B3GALNT2: variants seen among roughly 807,000 people sequenced by gnomAD.
B3GALNT2 encodes UDP-GalNAc:beta-1,3-N-acetylgalactosaminyltransferase 2.
A neutral mutation model predicts 61.1 loss-of-function variants in B3GALNT2; 53 were observed. The ratio of observed to expected loss-of-function variants is 0.87; its 90% CI spans 0.70 to 1.09. The LOEUF (loss-of-function observed/expected upper bound fraction) is 1.09, where lower values mean the gene tolerates loss of function less well. Ranked by LOEUF, B3GALNT2 falls within the 50% of genes least tolerant of loss-of-function variation. B3GALNT2 has a pLI of 0.00. For synonymous variants in B3GALNT2, 223 were observed against 237.4 expected (o/e 0.94, Z 0.56); for missense variants, 544 against 623.0 (o/e 0.87, Z 1.35).
intron 7 of B3GALNT2, chr1:235,465,357 AT>A (rs552700398): frequency 4.1e-4 from 138 of 337,440 alleles, no homozygotes; most frequent in African/African-American, 2.8e-3. Flanking sequence ...AGGCAAATCC[AT>A]AGAGAAAGAA....
chr1:235,443,527 A>C (rs1473270799), downstream of B3GALNT2, among the ~76,000 whole-genome samples: 1 of 152,160 alleles, frequency 6.6e-6, no homozygotes, highest in Non-Finnish European at 1.5e-5. Context: ...TTAACCAAAA[A>C]ACCTGAGACC....
Position 235,484,379 on chromosome 1 carries a change from G to T in B3GALNT2, c.498C>A (p.Ala166=). Residue 166 remains alanine, a synonymous_variant, in exon 4 of 12, where the codon GCC becomes GCA. Transcript: ENST00000366600. ...VITSLGVFYD[A]NDVGFQRNIT... The stretch of plus-strand genomic sequence containing the variant: ...TGTTCCTCTGGAAACCCACATCATT[G>T]GCATCGTAGAACACTCCAAGACTGG... The T allele has an allele frequency of 1.2e-6, 2 of 1,614,152 alleles. No homozygotes were observed. Among genetic ancestry groups the T allele is most frequent in the Non-Finnish European group, 1.7e-6 (2 of 1,180,006 alleles).
chr1:235,446,787 T>A (rs1404584008), downstream of B3GALNT2, among the ~76,000 whole-genome samples: 1 of 150,836 alleles, frequency 6.6e-6, no homozygotes, highest in Non-Finnish European at 1.5e-5. Flanking sequence ...AGCCTTGACC[T>A]CCTGGGCTCA....
chr1:235,464,939 G>A (rs1683614773), intron 7 of B3GALNT2: 1 of 152,168 alleles, frequency 6.6e-6, no homozygotes, highest in Non-Finnish European at 1.5e-5. Context: ...GTGTTGACAA[G>A]AATATGGAGA....
rs151100974 is a variant in B3GALNT2 at position 235,497,181 on chromosome 1, C to T, written c.113-2353G>A. On this transcript the variant is annotated intron_variant, in intron 1 of 11. Coordinates refer to ENST00000366600, the MANE Select transcript of B3GALNT2 (RefSeq NM_152490.5). Reference sequence around the variant, plus strand: ...GCTGGAACTCACTCTAAATGAGTGTCTGAATTCAGAGACTAATTTAAATGA... The same window carrying T: ...GCTGGAACTCACTCTAAATGAGTGTTTGAATTCAGAGACTAATTTAAATGA... Among the ~76,000 whole-genome samples, 14 of 152,196 alleles carry T rather than the reference C, an allele frequency of 9.2e-5. No individual in the cohort carries two copies. The East Asian group carries it at 2.7e-3, about 29-fold the overall frequency.
In B3GALNT2 at chr1:235,456,686, G is replaced by A. The variant is rs968929291; in HGVS notation, c.1026-1002C>T. ...GAGTCCTGTTGAAGGTTACTGCAGCGATCCAGGGAGAGAAGGTGGCAGCCA... is the reference window on the plus strand; with the variant it reads ...GAGTCCTGTTGAAGGTTACTGCAGCAATCCAGGGAGAGAAGGTGGCAGCCA... On this transcript the variant is annotated intron_variant, in intron 8 of 11. Coordinates refer to ENST00000366600, the MANE Select transcript of B3GALNT2 (RefSeq NM_152490.5). 2.6e-5 allele frequency among the ~76,000 whole-genome samples: 4 copies of A among 152,156 alleles called. No homozygotes were observed. The East Asian group carries it at 7.7e-4, about 29-fold the overall frequency.
chr1:235,453,134 T>A lies in B3GALNT2; in HGVS notation c.1324A>T (p.Ser442Cys), dbSNP rs1041647688. Residue 442 changes from serine to cysteine, a missense_variant, in exon 11 of 12, where the codon AGC becomes TGC. Transcript: ENST00000366600. ...ATGGCAGCCATCCAGATGCCCATGCTTACATCTTCACCCTATACATGGCCC... is the reference window on the plus strand; with the variant it reads ...ATGGCAGCCATCCAGATGCCCATGCATACATCTTCACCCTATACATGGCCC... ...RLKTYQGEDV[S>C]MGIWMAAIGP... The A allele has an allele frequency of 1.8e-5, 29 of 1,612,524 alleles. No homozygotes were observed. The highest frequency in any genetic ancestry group is 1.6e-4 in the Middle Eastern group (1 of 6,084).
At chr1:235,479,960 T>C in intron 5 of B3GALNT2, 94 bp downstream of exon 5, 1 of 1,533,916 alleles carries the variant, frequency 6.5e-7, no homozygotes, top group Non-Finnish European at 8.8e-7. Flanking sequence ...GCTGCCCTGG[T>C]ACAAGAAAAT....
At chr1:235,475,805 C>T (rs1684250869) in intron 5 of B3GALNT2, among the ~76,000 whole-genome samples, 1 of 152,016 alleles carries the variant, frequency 6.6e-6, no homozygotes, top group Non-Finnish European at 1.5e-5. Flanking sequence ...TAGCTCCCCA[C>T]CAGGTATAGC....
chr1:235,464,833 C>T (rs1683610808), intron 7 of B3GALNT2: 2 of 152,086 alleles, frequency 1.3e-5, no homozygotes, highest in Non-Finnish European at 2.9e-5. Flanking sequence ...TGCTCAACAT[C>T]ATTAGTTATT....
At chr1:235,491,188 A>T (rs1265787372) in intron 2 of B3GALNT2, among the ~76,000 whole-genome samples, 1 of 152,140 alleles carries the variant, frequency 6.6e-6, no homozygotes, top group African/African-American at 2.4e-5. Context: ...AAGCTGACAT[A>T]TCTTAGTTGT....
At chr1:235,502,148 G>T (rs895723168) in intron 1 of B3GALNT2, among the ~76,000 whole-genome samples, 1 of 152,146 alleles carries the variant, frequency 6.6e-6, no homozygotes, top group African/African-American at 2.4e-5. Context: ...TAGTAGCTGG[G>T]ATTACAGGCA....
intron 9 of B3GALNT2, among the ~76,000 whole-genome samples, chr1:235,455,162 C>T (rs573204818): frequency 6.6e-6 from 1 of 152,216 alleles, no homozygotes; most frequent in East Asian, 1.9e-4. Flanking sequence ...CCCTCTGTTG[C>T]CCAGGCTGGA....
chr1:235,460,487 G>GA (rs1469268582), intron 7 of B3GALNT2, among the ~76,000 whole-genome samples: 1 of 148,532 alleles, frequency 6.7e-6, no homozygotes, highest in Admixed American at 6.7e-5. Flanking sequence ...AAATGAATAA[G>GA]AAAAAATGTA....
intron 7 of B3GALNT2, chr1:235,465,132 G>A (rs960526004): frequency 6.6e-6 from 1 of 152,306 alleles, no homozygotes; most frequent in Non-Finnish European, 1.5e-5. Flanking sequence ...GTTTACTACA[G>A]AATTATTCAT....
At chr1:235,500,901 G>A (rs1337218844) in intron 1 of B3GALNT2, among the ~76,000 whole-genome samples, 1 of 152,148 alleles carries the variant, frequency 6.6e-6, no homozygotes, top group African/African-American at 2.4e-5. Context: ...AATTTTGGAA[G>A]AACTCACCCC....
chr1:235,466,077 A>C (rs1683680488), intron 6 of B3GALNT2, among the ~76,000 whole-genome samples: 1 of 152,266 alleles, frequency 6.6e-6, no homozygotes, highest in Non-Finnish European at 1.5e-5. Flanking sequence ...TTGGAAACTA[A>C]AAATTCTCAT....
Position 235,489,155 on chromosome 1 carries a change from A to C in B3GALNT2, c.361+13T>G, listed in dbSNP as rs367788823. The C allele has an allele frequency of 5.0e-5, 81 of 1,613,266 alleles. No individual in the cohort carries two copies. The highest frequency in any genetic ancestry group is 4.9e-4 in the Middle Eastern group (3 of 6,080). ...AAGCTTGTGTATGGCAGTCAAGGGA[A>C]AAGATGACTTACCTGGATTTGTGAT... is the stretch of plus-strand genomic sequence containing the variant. On this transcript the variant is annotated intron_variant, in intron 3 of 11. Transcript: ENST00000366600.
At chr1:235,475,867 G>T (rs1243176593) in intron 5 of B3GALNT2, among the ~76,000 whole-genome samples, 1 of 151,980 alleles carries the variant, frequency 6.6e-6, no homozygotes, top group African/African-American at 2.4e-5. Flanking sequence ...TTTGTTGTTT[G>T]AATAGGGACT....
Sources: allele counts gnomAD v4.1 joint callset (sites outside exome capture counted in the v4.1 genomes callset), GRCh38; gene constraint gnomAD v4.1.1; transcripts MANE v1.5; gene names NCBI Gene and HGNC (gene_info 2026-07-23, HGNC 2026-07-21).